Variants in RALGAPA1 observed in about 807,000 individuals in gnomAD.
RALGAPA1 encodes Ral GTPase activating protein catalytic subunit alpha 1, also known as ral GTPase-activating protein subunit alpha-1.
RALGAPA1 carries 52 observed loss-of-function variants against 269.6 expected under a neutral mutation model. That is an observed-to-expected ratio of 0.19 (90% CI 0.15 to 0.24). RALGAPA1 has a LOEUF of 0.24. Among genes scored for constraint, RALGAPA1 ranks in the 10% least tolerant of loss-of-function variants. The pLI, the probability that RALGAPA1 is intolerant of heterozygous loss-of-function variation, is 1.00. For missense variants in RALGAPA1, 1,917 were observed against 3,013.9 expected, an observed-to-expected ratio of 0.64 and a Z score of 8.52; for synonymous variants, 817 against 1,008.3, an observed-to-expected ratio of 0.81 and a Z score of 3.60.
intron 27 of RALGAPA1, among the ~76,000 whole-genome samples, chr14:35,660,901 T>G (rs961192220): frequency 5.9e-5 from 9 of 152,096 alleles, no homozygotes; most frequent in Admixed American, 1.3e-4. Flanking sequence ...CACCTACATG[T>G]GGAATATAAA....
At chr14:35,778,509 T>C (rs568140611) in intron 1 of RALGAPA1, among the ~76,000 whole-genome samples, 2 of 152,346 alleles carry the variant, frequency 1.3e-5, no homozygotes, top group Non-Finnish European at 2.9e-5. Flanking sequence ...TCTTATTGTC[T>C]TTCTTCCAGG....
intron 35 of RALGAPA1, among the ~76,000 whole-genome samples, chr14:35,619,772 C>T (rs897600584): frequency 6.6e-6 from 1 of 152,184 alleles, no homozygotes; most frequent in African/African-American, 2.4e-5. Context: ...GTCCTGGACA[C>T]ATACACCCTC....
At chr14:35,648,878 C>G (rs1193711744) in intron 31 of RALGAPA1, among the ~76,000 whole-genome samples, 1 of 152,184 alleles carries the variant, frequency 6.6e-6, no homozygotes, top group Non-Finnish European at 1.5e-5. Flanking sequence ...TTACTCTCTC[C>G]TAGACCTGGT....
intron 33 of RALGAPA1, among the ~76,000 whole-genome samples, chr14:35,629,232 A>G (rs2061173215): frequency 6.6e-6 from 1 of 151,462 alleles, no homozygotes; most frequent in South Asian, 2.1e-4. Flanking sequence ...GTAGGAGGAG[A>G]GTTGTTTTTG....
chr14:35,541,425 C>T (rs1343366213), intron 41 of RALGAPA1, among the ~76,000 whole-genome samples: 1 of 152,134 alleles, frequency 6.6e-6, no homozygotes, highest in Non-Finnish European at 1.5e-5. Context: ...TTCTGTCACT[C>T]ATAATCCAGG....
chr14:35,594,731 A>G (rs2058830213), intron 37 of RALGAPA1, among the ~76,000 whole-genome samples: 1 of 151,902 alleles, frequency 6.6e-6, no homozygotes, highest in Non-Finnish European at 1.5e-5. Flanking sequence ...GAAAAAAAAA[A>G]AAAAAGTACG....
chr14:35,743,170 ATT>A (rs200797761), intron 10 of RALGAPA1, among the ~76,000 whole-genome samples: 3 of 144,568 alleles, frequency 2.1e-5, no homozygotes, highest in Admixed American at 6.9e-5. Context: ...CTGGGAATCT[ATT>A]TTTTTTTTTT....
intron 26 of RALGAPA1, among the ~76,000 whole-genome samples, chr14:35,668,460 G>A (rs1013269875): frequency 6.6e-6 from 1 of 151,576 alleles, no homozygotes; most frequent in African/African-American, 2.4e-5. Flanking sequence ...TCCAGTCCGA[G>A]TGACAGAGAC....
At chr14:35,593,075 A>C (rs1301110733) in intron 37 of RALGAPA1, among the ~76,000 whole-genome samples, 1 of 152,202 alleles carries the variant, frequency 6.6e-6, no homozygotes, top group Non-Finnish European at 1.5e-5. Flanking sequence ...CTTTATTTGC[A>C]GATGACATGA....
intron 39 of RALGAPA1, among the ~76,000 whole-genome samples, chr14:35,569,001 C>T (rs933961917): frequency 9.9e-5 from 15 of 152,094 alleles, no homozygotes; most frequent in African/African-American, 3.6e-4. Context: ...TATGAGTTTT[C>T]AGTTTAAAGT....
chr14:35,641,182 C>A (rs1420009540), intron 31 of RALGAPA1, among the ~76,000 whole-genome samples: 1 of 152,078 alleles, frequency 6.6e-6, no homozygotes, highest in Non-Finnish European at 1.5e-5. Context: ...AGATCTAGAA[C>A]AAGACAAAGG....
intron 34 of RALGAPA1, among the ~76,000 whole-genome samples, chr14:35,626,195 T>C (rs2060978658): frequency 6.6e-6 from 1 of 152,194 alleles, no homozygotes; most frequent in South Asian, 2.1e-4. Flanking sequence ...AATAAGAGGC[T>C]TTCCTATAAG....
chr14:35,690,025 T>C (rs771143092), intron 17 of RALGAPA1, 22 bp from the exon 18 acceptor site: 16 of 1,476,326 alleles, frequency 1.1e-5, no homozygotes, highest in African/African-American at 4.4e-5. Context: ...AAAAAAATTA[T>C]GTAGAGAAGA....
At chr14:35,680,748 A>G (rs8015381) in intron 21 of RALGAPA1, among the ~76,000 whole-genome samples, 52,667 of 151,310 alleles carry the variant, frequency 0.35, 12,625 homozygotes, top group African/African-American at 0.67. Flanking sequence ...CCGAGTAGCT[A>G]GGACTACAGG....
Position 35,752,346 on chromosome 14 carries a change from T to C in RALGAPA1, c.664-184A>G, listed in dbSNP as rs557429524. 2.0e-5 allele frequency among the ~76,000 whole-genome samples: 3 copies of C among 152,322 alleles called. No homozygotes were observed. In the South Asian group the frequency reaches 6.2e-4, roughly 32 times the overall value. On this transcript the variant is annotated intron_variant, in intron 7 of 41. Coordinates refer to ENST00000680220, the MANE Select transcript of RALGAPA1 (RefSeq NM_001346249.2). ...TCTAATGTCAAACAAGTACATTATG[T>C]ATATGTTTAAAAAACCTTAGAAGTA...
At chr14:35,544,678 A>G (rs565408511) in intron 41 of RALGAPA1, among the ~76,000 whole-genome samples, 1 of 152,354 alleles carries the variant, frequency 6.6e-6, no homozygotes, top group East Asian at 1.9e-4. Context: ...CAAAGTATCA[A>G]ATAGAACATA....
chr14:35,688,340 C>G (rs2066139907), intron 18 of RALGAPA1, 119 bp downstream of exon 18: 1 of 1,150,100 alleles, frequency 8.7e-7, no homozygotes. Context: ...CATAACCAAA[C>G]AGAGAGAAAG....
chr14:35,655,682 A>T, intron 29 of RALGAPA1, 125 bp downstream of exon 29: 5 of 1,345,860 alleles, frequency 3.7e-6, no homozygotes, highest in Non-Finnish European at 4.9e-6. Context: ...AGGATCAAGA[A>T]AATAATAGAA....
chr14:35,700,740 T>C (rs1410289502), intron 16 of RALGAPA1, among the ~76,000 whole-genome samples: 2 of 152,306 alleles, frequency 1.3e-5, no homozygotes, highest in East Asian at 1.9e-4. Context: ...GGCTGAATTA[T>C]AAGAATAAAT....
Sources: allele counts gnomAD v4.1 joint callset (sites outside exome capture counted in the v4.1 genomes callset), GRCh38; gene constraint gnomAD v4.1.1; transcripts MANE v1.5; gene names NCBI Gene and HGNC (gene_info 2026-07-23, HGNC 2026-07-21).